Variants in ZNF385D observed in about 807,000 individuals in gnomAD.
ZNF385D encodes the protein zinc finger protein 385D, also known as zinc finger protein 659.
A neutral mutation model predicts 35.8 loss-of-function variants in ZNF385D; 15 were observed. The ratio of observed to expected loss-of-function variants is 0.42; its 90% CI spans 0.28 to 0.64. The LOEUF is 0.64. Ranked by LOEUF, ZNF385D falls within the 30% of genes least tolerant of loss-of-function variation. ZNF385D has a pLI of 0.23. For missense variants in ZNF385D, 474 were observed against 494.6 expected (o/e 0.96, Z 0.39); for synonymous variants, 212 against 186.8 (o/e 1.13, Z -1.10).
At position 21,952,054 on chromosome 3, in the gene ZNF385D, A is replaced by G. The variant is rs1275071442; in HGVS notation, c.325+216763T>C. ...CACAAGACTGTCTTGAGCAAAGAACAATGGGACTCTTTTTAAGCAACTAAG... is the reference window on the plus strand; with the variant it reads ...CACAAGACTGTCTTGAGCAAAGAACGATGGGACTCTTTTTAAGCAACTAAG... On this transcript the variant is annotated intron_variant, in intron 3 of 5. Transcript: ENST00000494108. 2.0e-5 allele frequency among the ~76,000 whole-genome samples: 3 copies of G among 149,120 alleles called. No individual in the cohort carries two copies. In the East Asian group the frequency reaches 5.8e-4, roughly 29 times the overall value.
intron 2 of ZNF385D, among the ~76,000 whole-genome samples, chr3:21,601,189 C>T (rs914042200): frequency 6.6e-6 from 1 of 152,112 alleles, no homozygotes; most frequent in East Asian, 1.9e-4. Context: ...CCATATACTC[C>T]ACTTGATGGG....
chr3:21,712,555 T>TA (rs967167059), intron 1 of ZNF385D, among the ~76,000 whole-genome samples: 6 of 152,118 alleles, frequency 3.9e-5, no homozygotes, highest in African/African-American at 7.2e-5. Flanking sequence ...AAACTTTTTT[T>TA]AAAAAAAGTC....
intron 3 of ZNF385D, among the ~76,000 whole-genome samples, chr3:21,820,644 G>C (rs755017797): frequency 4.0e-5 from 6 of 151,458 alleles, no homozygotes; most frequent in Non-Finnish European, 8.9e-5. Flanking sequence ...AACAAAGCTT[G>C]GTTTCTTGAG....
intron 3 of ZNF385D, among the ~76,000 whole-genome samples, chr3:22,129,547 G>T (rs1032250596): frequency 6.6e-6 from 1 of 152,130 alleles, no homozygotes; most frequent in Admixed American, 6.6e-5. Flanking sequence ...TTGCAAGACA[G>T]AATCCTCTTT....
intron 2 of ZNF385D, among the ~76,000 whole-genome samples, chr3:21,568,597 T>G (rs1200698217): frequency 6.6e-6 from 1 of 152,128 alleles, no homozygotes; most frequent in Non-Finnish European, 1.5e-5. Flanking sequence ...AGATAAGGTG[T>G]AGAAAGTCGA....
chr3:21,533,134 A>G (rs1313052534), intron 3 of ZNF385D, among the ~76,000 whole-genome samples: 1 of 152,212 alleles, frequency 6.6e-6, no homozygotes, highest in Non-Finnish European at 1.5e-5. Context: ...GTACTACCAA[A>G]CAACGAGTGA....
chr3:22,075,198 C>T (rs921498736), intron 3 of ZNF385D, among the ~76,000 whole-genome samples: 1 of 151,804 alleles, frequency 6.6e-6, no homozygotes, highest in Non-Finnish European at 1.5e-5. Flanking sequence ...GGGTAATAGC[C>T]TTTCTCCTAT....
intron 3 of ZNF385D, among the ~76,000 whole-genome samples, chr3:22,125,757 T>C (rs1703390066): frequency 6.6e-6 from 1 of 152,126 alleles, no homozygotes; most frequent in Non-Finnish European, 1.5e-5. Context: ...ATGATTTTTG[T>C]ATGTTGATTT....
At position 21,697,370 on chromosome 3, in the gene ZNF385D, T is replaced by G. The variant is rs2067508046; in HGVS notation, c.23-32342A>C. Among the ~76,000 whole-genome samples, 3 of 152,218 alleles carry G rather than the reference T, an allele frequency of 2.0e-5. No homozygotes were observed. The South Asian group carries it at 6.2e-4, about 32-fold the overall frequency. On this transcript the variant is annotated intron_variant, in intron 1 of 7. Coordinates refer to ENST00000281523, the MANE Select transcript of ZNF385D (RefSeq NM_024697.3). ...ATGTAAATAGTGGTAAGTTGAATTCTGTCTTTATCTCTGACAATAAAAAGT... is the reference window on the plus strand; with the variant it reads ...ATGTAAATAGTGGTAAGTTGAATTCGGTCTTTATCTCTGACAATAAAAAGT...
intron 3 of ZNF385D, among the ~76,000 whole-genome samples, chr3:21,855,254 A>G (rs912123560): frequency 6.6e-6 from 1 of 151,920 alleles, no homozygotes; most frequent in African/African-American, 2.4e-5. Context: ...TCCCTTAAGA[A>G]TTTTTTAGCT....
At chr3:21,495,375 A>G (rs1705754476) in intron 4 of ZNF385D, among the ~76,000 whole-genome samples, 1 of 152,194 alleles carries the variant, frequency 6.6e-6, no homozygotes. Context: ...CAGCACAATG[A>G]AAATAGAAAT....
intron 3 of ZNF385D, among the ~76,000 whole-genome samples, chr3:22,150,765 T>A (rs1271068859): frequency 6.6e-6 from 1 of 152,134 alleles, no homozygotes; most frequent in African/African-American, 2.4e-5. Context: ...CATATATATA[T>A]AATTAGTAGA....
intron 4 of ZNF385D, among the ~76,000 whole-genome samples, chr3:21,444,424 A>G (rs1376420016): frequency 7.3e-6 from 1 of 136,656 alleles, no homozygotes; most frequent in Admixed American, 8.0e-5. Context: ...TCACTCTGTC[A>G]TCCTGGCTGT....
intron 3 of ZNF385D, among the ~76,000 whole-genome samples, chr3:21,873,716 A>G (rs916330248): frequency 3.3e-5 from 5 of 152,100 alleles, no homozygotes; most frequent in Admixed American, 6.6e-5. Context: ...TAACTTCTGT[A>G]TGTAGAATCA....
At chr3:21,977,096 G>T (rs1358868566) in intron 3 of ZNF385D, among the ~76,000 whole-genome samples, 1 of 152,152 alleles carries the variant, frequency 6.6e-6, no homozygotes, top group Non-Finnish European at 1.5e-5. Flanking sequence ...CGTGTTGCAT[G>T]ATGCCATTTA....
At chr3:22,098,566 G>C (rs1559367325) in intron 3 of ZNF385D, among the ~76,000 whole-genome samples, 1 of 152,054 alleles carries the variant, frequency 6.6e-6, no homozygotes, top group Admixed American at 6.6e-5. Context: ...ACAGCAAGTA[G>C]AGGATTTTAA....
At chr3:22,083,812 A>G (rs187790966) in intron 3 of ZNF385D, among the ~76,000 whole-genome samples, 1 of 152,192 alleles carries the variant, frequency 6.6e-6, no homozygotes, top group Admixed American at 6.5e-5. Context: ...GAAGGAAAAA[A>G]TGTTAAGGGC....
chr3:22,167,788 T>G (rs1369102247), intron 3 of ZNF385D, among the ~76,000 whole-genome samples: 1 of 152,218 alleles, frequency 6.6e-6, no homozygotes, highest in Non-Finnish European at 1.5e-5. Context: ...CTGACCACAA[T>G]TTTTGTTTCT....
chr3:21,509,576 T>C (rs796373801), intron 4 of ZNF385D, among the ~76,000 whole-genome samples: 13 of 152,332 alleles, frequency 8.5e-5, no homozygotes, highest in African/African-American at 2.4e-4. Flanking sequence ...AGCCTGTCTT[T>C]TTTTTTCCTC....
Sources: gnomAD v4.1 joint callset for allele counts (sites outside exome capture counted in the v4.1 genomes callset) on GRCh38, gnomAD v4.1.1 for gene constraint, MANE v1.5 for transcripts, NCBI Gene and HGNC (gene_info 2026-07-23, HGNC 2026-07-21) for gene names.